ATOSA: variants seen among roughly 807,000 people sequenced by gnomAD.
ATOSA encodes atos homolog protein A.
At chr15:52,610,217 T>C in the ATOSA span, 1 of 1,614,006 alleles carries the variant, frequency 6.2e-7, no homozygotes, top group Non-Finnish European at 8.5e-7. Flanking sequence ...TAAAGGCCAA[T>C]ATTAGTGTGA....
At chr15:52,612,631 A>T in the ATOSA span, among the ~76,000 whole-genome samples, 1 of 150,850 alleles carries the variant, frequency 6.6e-6, no homozygotes, top group Admixed American at 6.6e-5. Context: ...CAGCCTCCCG[A>T]GTAGCTGAGA....
At chr15:52,609,844 C>T in the ATOSA span, 1 of 1,613,748 alleles carries the variant, frequency 6.2e-7, no homozygotes, top group African/African-American at 1.3e-5. Flanking sequence ...GTTAGTCTCA[C>T]CAGCTGACTG....
chr15:52,610,222 G>A, the ATOSA span: 2 of 1,613,986 alleles, frequency 1.2e-6, no homozygotes, highest in East Asian at 2.2e-5. Context: ...GCCAATATTA[G>A]TGTGAATACT....
the ATOSA span, among the ~76,000 whole-genome samples, chr15:52,636,034 AAT>A: frequency 6.8e-6 from 1 of 147,474 alleles, no homozygotes; most frequent in Non-Finnish European, 1.5e-5. Flanking sequence ...ATAAATAATA[AAT>A]ATATATTATT....
chr15:52,616,784 A>G, the ATOSA span, among the ~76,000 whole-genome samples: 1 of 152,212 alleles, frequency 6.6e-6, no homozygotes, highest in African/African-American at 2.4e-5. Context: ...ATGGGCATGG[A>G]ACAGCAAAGA....
chr15:52,612,320 A>C, the ATOSA span, among the ~76,000 whole-genome samples: 1 of 152,044 alleles, frequency 6.6e-6, no homozygotes, highest in African/African-American at 2.4e-5. Flanking sequence ...TTTCTTGAGG[A>C]GTGTATCTTT....
chr15:52,590,680 A>C, the ATOSA span: 2 of 152,350 alleles, frequency 1.3e-5, no homozygotes, highest in Admixed American at 6.5e-5. Context: ...AAACAGATTC[A>C]ACTACAAAAA....
the ATOSA span, among the ~76,000 whole-genome samples, chr15:52,605,480 A>G: frequency 6.6e-6 from 1 of 152,104 alleles, no homozygotes; most frequent in South Asian, 2.1e-4. Context: ...TTTACTGGTT[A>G]ATCACCCCAA....
At chr15:52,680,769 TTAATC>T in the ATOSA span, among the ~76,000 whole-genome samples, 1 of 152,218 alleles carries the variant, frequency 6.6e-6, no homozygotes, top group Non-Finnish European at 1.5e-5. Flanking sequence ...AAACAGTTCT[TTAATC>T]TATAAAATGC....
At chr15:52,582,161 C>G in the ATOSA span, 2 of 1,568,444 alleles carry the variant, frequency 1.3e-6, no homozygotes, top group Admixed American at 2.2e-5. Flanking sequence ...TTATCAACAT[C>G]TTGGTGAAAA....
chr15:52,651,878 T>C, the ATOSA span: 1 of 1,535,564 alleles, frequency 6.5e-7, no homozygotes, highest in Non-Finnish European at 8.7e-7. Context: ...ACCTTCTCTG[T>C]GAAGCCCTTT....
At chr15:52,640,246 C>T in the ATOSA span, among the ~76,000 whole-genome samples, 1 of 151,808 alleles carries the variant, frequency 6.6e-6, no homozygotes, top group Non-Finnish European at 1.5e-5. Flanking sequence ...AATTTTAAGA[C>T]ATATTACTCT....
the ATOSA span, among the ~76,000 whole-genome samples, chr15:52,633,320 T>G: frequency 2.6e-5 from 4 of 152,342 alleles, no homozygotes; most frequent in African/African-American, 9.6e-5. Context: ...ATCTAATTTA[T>G]TCTTATACTT....
the ATOSA span, among the ~76,000 whole-genome samples, chr15:52,663,021 T>C: frequency 4.7e-4 from 71 of 152,286 alleles, no homozygotes; most frequent in Admixed American, 3.3e-3. Flanking sequence ...TACTAGCAAA[T>C]GAATGAGGCT....
the ATOSA span, among the ~76,000 whole-genome samples, chr15:52,684,419 C>T: frequency 6.6e-6 from 1 of 152,092 alleles, no homozygotes; most frequent in Non-Finnish European, 1.5e-5. Flanking sequence ...AACCTGTAGT[C>T]CTAGTTACTT....
the ATOSA span, among the ~76,000 whole-genome samples, chr15:52,628,030 T>C: frequency 6.6e-6 from 1 of 152,078 alleles, no homozygotes; most frequent in Non-Finnish European, 1.5e-5. Context: ...TTAGGACAAC[T>C]AGAATCACCA....
the ATOSA span, among the ~76,000 whole-genome samples, chr15:52,701,583 T>C: frequency 1.3e-5 from 2 of 152,162 alleles, no homozygotes; most frequent in Non-Finnish European, 2.9e-5. Context: ...AAACTTCAAA[T>C]GATCAGAAAT....
At chr15:52,589,729 ATATTTATACC>A in the ATOSA span, among the ~76,000 whole-genome samples, 1 of 152,164 alleles carries the variant, frequency 6.6e-6, no homozygotes, top group African/African-American at 2.4e-5. Flanking sequence ...CAGCATATTA[ATATTTATACC>A]TAGAAAAAGT....
chr15:52,609,699 A>G, the ATOSA span: 1 of 1,613,780 alleles, frequency 6.2e-7, no homozygotes, highest in Non-Finnish European at 8.5e-7. Context: ...AAAGTTTTGA[A>G]TGGAGTGAAC....
Sources: gnomAD v4.1 joint callset for allele counts (sites outside exome capture counted in the v4.1 genomes callset) on GRCh38, gnomAD v4.1.1 for gene constraint, MANE v1.5 for transcripts, NCBI Gene and HGNC (gene_info 2026-07-23, HGNC 2026-07-21) for gene names.